PTPRD: variants seen among roughly 807,000 people sequenced by gnomAD.
The protein encoded by PTPRD is receptor-type tyrosine-protein phosphatase delta.
A neutral mutation model predicts 214.5 loss-of-function variants in PTPRD; 34 were observed. The ratio of observed to expected loss-of-function variants is 0.16; its 90% CI spans 0.12 to 0.21. The LOEUF (loss-of-function observed/expected upper bound fraction) is 0.21, where lower values mean the gene tolerates loss of function less well. Ranked by LOEUF, PTPRD falls within the 10% of genes least tolerant of loss-of-function variation. The pLI is 1.00. For missense variants in PTPRD, 2,545 were observed against 2,398.7 expected (o/e 1.06, Z -1.27); for synonymous variants, 1,128 against 845.7 (o/e 1.33, Z -5.79).
At chr9:9,236,777 A>G (rs1433234154) in intron 9 of PTPRD, among the ~76,000 whole-genome samples, 1 of 151,822 alleles carries the variant, frequency 6.6e-6, no homozygotes, top group Non-Finnish European at 1.5e-5. Flanking sequence ...GCAGCCAACC[A>G]TAAGGTTGGG....
At chr9:8,387,181 T>G (rs2087429044) in intron 37 of PTPRD, among the ~76,000 whole-genome samples, 1 of 152,142 alleles carries the variant, frequency 6.6e-6, no homozygotes, top group Non-Finnish European at 1.5e-5. Flanking sequence ...GAGTAATTAA[T>G]GAAGGGAGCA....
At chr9:8,848,338 T>TAA (rs2097745842) in intron 11 of PTPRD, among the ~76,000 whole-genome samples, 3 of 133,902 alleles carry the variant, frequency 2.2e-5, no homozygotes, top group Non-Finnish European at 4.8e-5. Flanking sequence ...TTTTTTTTTT[T>TAA]AGTTTTTTGC....
At chr9:8,486,855 A>C in intron 27 of PTPRD, among the ~76,000 whole-genome samples, 1 of 152,194 alleles carries the variant, frequency 6.6e-6, no homozygotes, top group East Asian at 1.9e-4. Flanking sequence ...ATCTTCTATA[A>C]TGAGAAAATG....
At chr9:9,039,808 T>C (rs1340478722) in intron 10 of PTPRD, among the ~76,000 whole-genome samples, 1 of 152,116 alleles carries the variant, frequency 6.6e-6, no homozygotes, top group East Asian at 1.9e-4. Flanking sequence ...ATATTGAAAG[T>C]TGTATCTTTT....
At chr9:10,306,382 C>T (rs2096069616) in intron 3 of PTPRD, among the ~76,000 whole-genome samples, 1 of 151,756 alleles carries the variant, frequency 6.6e-6, no homozygotes, top group Admixed American at 6.6e-5. Flanking sequence ...ATGTAACAAA[C>T]CTGCATGTTC....
intron 3 of PTPRD, among the ~76,000 whole-genome samples, chr9:10,141,113 G>C (rs1343745789): frequency 2.0e-5 from 3 of 152,164 alleles, no homozygotes; most frequent in South Asian, 2.1e-4. Flanking sequence ...AATAATAAGA[G>C]CTATCTATGA....
At chr9:10,224,557 G>T (rs1380597614) in intron 3 of PTPRD, among the ~76,000 whole-genome samples, 3 of 151,944 alleles carry the variant, frequency 2.0e-5, no homozygotes, top group African/African-American at 7.3e-5. Flanking sequence ...TTGAAATTCT[G>T]CCATGCCTAT....
intron 14 of PTPRD, among the ~76,000 whole-genome samples, chr9:8,587,338 A>G (rs1401131682): frequency 6.6e-6 from 1 of 152,160 alleles, no homozygotes; most frequent in Non-Finnish European, 1.5e-5. Flanking sequence ...TTATATTTTA[A>G]TAATTTTGTT....
chr9:9,783,752 C>G (rs956845634), intron 5 of PTPRD, among the ~76,000 whole-genome samples: 12 of 151,462 alleles, frequency 7.9e-5, no homozygotes, highest in African/African-American at 2.7e-4. Flanking sequence ...AGAAAGCAAT[C>G]AAGTGATTTT....
At chr9:9,404,245 C>T (rs2072235754) in intron 8 of PTPRD, among the ~76,000 whole-genome samples, 1 of 152,126 alleles carries the variant, frequency 6.6e-6, no homozygotes, top group Non-Finnish European at 1.5e-5. Flanking sequence ...ATGGTTTTGT[C>T]TTAAACATGC....
rs970804866 is a variant in PTPRD, at chr9:8,569,895, T to G, written c.353-41116A>C. On this transcript the variant is annotated intron_variant, in intron 14 of 45. Transcript: ENST00000381196. ...CAATATTTGGATATTTTGTTATACA[T>G]AATGAAAGTTTCAGATTTGGGAAAC... Among the ~76,000 whole-genome samples, 6 of 152,130 alleles carry G rather than the reference T, an allele frequency of 3.9e-5. No homozygotes were observed. The South Asian group carries it at 1.2e-3, about 32-fold the overall frequency.
intron 7 of PTPRD, among the ~76,000 whole-genome samples, chr9:9,665,413 A>T (rs1296928393): frequency 6.6e-6 from 1 of 151,828 alleles, no homozygotes; most frequent in Non-Finnish European, 1.5e-5. Flanking sequence ...TTTAATATCA[A>T]AACTTATAAA....
intron 5 of PTPRD, among the ~76,000 whole-genome samples, chr9:9,893,753 G>C (rs758076513): frequency 5.9e-5 from 9 of 152,060 alleles, no homozygotes; most frequent in Non-Finnish European, 1.2e-4. Context: ...AACAACAGAA[G>C]CTTGGTTATT....
At chr9:8,541,224 C>A (rs1383641879) in intron 14 of PTPRD, among the ~76,000 whole-genome samples, 1 of 151,960 alleles carries the variant, frequency 6.6e-6, no homozygotes, top group Non-Finnish European at 1.5e-5. Context: ...CCAAATGGAA[C>A]TAGGTTTTTT....
intron 2 of PTPRD, among the ~76,000 whole-genome samples, chr9:10,476,767 C>T (rs1366324870): frequency 6.6e-6 from 1 of 152,156 alleles, no homozygotes; most frequent in African/African-American, 2.4e-5. Flanking sequence ...ACCAAAACAG[C>T]ATGGTACTGG....
At chr9:9,908,962 A>G (rs2078402516) in intron 5 of PTPRD, among the ~76,000 whole-genome samples, 2 of 151,988 alleles carry the variant, frequency 1.3e-5, no homozygotes, top group African/African-American at 2.4e-5. Flanking sequence ...ATCTGAAACT[A>G]TTATATAGCA....
intron 14 of PTPRD, among the ~76,000 whole-genome samples, chr9:8,583,475 A>G (rs2093363770): frequency 1.3e-5 from 2 of 152,320 alleles, no homozygotes; most frequent in Middle Eastern, 6.8e-3. Flanking sequence ...ACAAGCCACC[A>G]CGCATGGCTG....
In PTPRD at chr9:8,501,073, T is replaced by G; in HGVS notation, c.1823-14A>C. ...GAGCTGACGGCTCTTATTTTGGTAG[T>G]GAGTTAAAGGAGGATTTAAGTGAAA... On this transcript the variant is annotated splice_polypyrimidine_tract_variant and intron_variant, in intron 23 of 45. Transcript: ENST00000381196. The G allele has an allele frequency of 6.2e-7, 1 of 1,605,210 alleles. No individual in the cohort carries two copies. Among genetic ancestry groups the G allele is most frequent in the Non-Finnish European group, 8.5e-7 (1 of 1,174,214 alleles).
At chr9:8,555,688 G>C (rs957447851) in intron 14 of PTPRD, among the ~76,000 whole-genome samples, 3 of 152,170 alleles carry the variant, frequency 2.0e-5, no homozygotes, top group Non-Finnish European at 4.4e-5. Context: ...TTAGAATGCA[G>C]TTTCCTATAG....
Sources: allele counts gnomAD v4.1 joint callset (sites outside exome capture counted in the v4.1 genomes callset), GRCh38; gene constraint gnomAD v4.1.1; transcripts MANE v1.5; gene names NCBI Gene and HGNC (gene_info 2026-07-23, HGNC 2026-07-21).